RTF2: variants seen among roughly 807,000 people sequenced by gnomAD.
RTF2 encodes UPF0549 protein C20orf43.
In RTF2, 18 loss-of-function variants were observed where a neutral mutation model predicts 38.0. That is an observed-to-expected ratio of 0.47 (90% CI 0.33 to 0.70). The LOEUF (loss-of-function observed/expected upper bound fraction) is 0.70, where lower values mean the gene tolerates loss of function less well. Among genes scored for constraint, RTF2 ranks in the 30% least tolerant of loss-of-function variants. The pLI is 0.02. For synonymous variants in RTF2, 126 were observed against 137.1 expected (o/e 0.92, Z 0.57); for missense variants, 311 against 379.6 (o/e 0.82, Z 1.50).
At chr20:56,489,761 G>A (rs1358328692) in intron 5 of RTF2, among the ~76,000 whole-genome samples, 1 of 152,234 alleles carries the variant, frequency 6.6e-6, no homozygotes, top group Non-Finnish European at 1.5e-5. Flanking sequence ...TATGTTTTAA[G>A]TAACTTGAAA....
chr20:56,490,258 C>G (rs1208355083), intron 5 of RTF2, among the ~76,000 whole-genome samples: 1 of 152,218 alleles, frequency 6.6e-6, no homozygotes, highest in Non-Finnish European at 1.5e-5. Flanking sequence ...ATTTCCTCTC[C>G]TCTGGTTCCT....
chr20:56,491,627 G>T, intron 5 of RTF2: 1 of 1,551,832 alleles, frequency 6.4e-7, no homozygotes, highest in Non-Finnish European at 8.7e-7. Context: ...AGGAACTTCT[G>T]CCTGCCTCAG....
chr20:56,515,084 GA>G (rs1354203352), intron 6 of RTF2, among the ~76,000 whole-genome samples: 1 of 151,022 alleles, frequency 6.6e-6, no homozygotes, highest in East Asian at 1.9e-4. Context: ...TGTTCAGGTT[GA>G]AAAGTAAATA....
intron 1 of RTF2, among the ~76,000 whole-genome samples, chr20:56,471,874 C>A (rs1308350203): frequency 1.3e-5 from 2 of 152,170 alleles, no homozygotes; most frequent in African/African-American, 4.8e-5. Flanking sequence ...GTTATGGAAA[C>A]TGCTTAGCAC....
chr20:56,516,291 A>G (rs909236973), intron 6 of RTF2: 1 of 152,182 alleles, frequency 6.6e-6, no homozygotes, highest in Non-Finnish European at 1.5e-5. Flanking sequence ...TCTGCGATTA[A>G]ATCAATTCCA....
chr20:56,497,268 A>AT, intron 5 of RTF2: 1 of 1,551,690 alleles, frequency 6.4e-7, no homozygotes, highest in Non-Finnish European at 8.7e-7. Context: ...AATAGTTATA[A>AT]TATATGCCAA....
At chr20:56,497,484 A>T (rs1371476569) in intron 5 of RTF2, 1 of 1,499,852 alleles carries the variant, frequency 6.7e-7, no homozygotes, top group Non-Finnish European at 9.0e-7. Flanking sequence ...ACATTCTACT[A>T]CTTCTGGTTG....
chr20:56,472,233 A>T, intron 1 of RTF2: 1 of 786,216 alleles, frequency 1.3e-6, no homozygotes, highest in East Asian at 2.7e-5. Flanking sequence ...AAAATAAATT[A>T]ATAAAATAAA....
At chr20:56,476,201 G>A (rs767193366) in intron 3 of RTF2, among the ~76,000 whole-genome samples, 1 of 152,172 alleles carries the variant, frequency 6.6e-6, no homozygotes, top group South Asian at 2.1e-4. Flanking sequence ...GCCTTAGCTC[G>A]TTAGACCGTG....
chr20:56,495,153 T>A, intron 5 of RTF2: 1 of 1,299,320 alleles, frequency 7.7e-7, no homozygotes, highest in Non-Finnish European at 1.1e-6. Context: ...GTTTTATAGT[T>A]GTTGTAAAAT....
chr20:56,499,844 C>G (rs1462275146), intron 5 of RTF2, among the ~76,000 whole-genome samples: 1 of 152,016 alleles, frequency 6.6e-6, no homozygotes, highest in Non-Finnish European at 1.5e-5. Context: ...TGAAGCGATT[C>G]TCCTGCCTCA....
intron 5 of RTF2, chr20:56,495,192 T>C: frequency 5.8e-6 from 9 of 1,542,418 alleles, no homozygotes; most frequent in Non-Finnish European, 7.9e-6. Context: ...TGTTTTGTTT[T>C]TCTTTTTACC....
intron 5 of RTF2, among the ~76,000 whole-genome samples, chr20:56,495,729 A>G (rs1983486632): frequency 6.6e-6 from 1 of 152,182 alleles, no homozygotes; most frequent in African/African-American, 2.4e-5. Flanking sequence ...AACCCCAACC[A>G]ATGTCTACTG....
chr20:56,509,071 A>G (rs569065226), intron 5 of RTF2, among the ~76,000 whole-genome samples: 2 of 152,380 alleles, frequency 1.3e-5, no homozygotes, highest in Non-Finnish European at 2.9e-5. Context: ...ATATTTTGTC[A>G]TAACAGTCTT....
At position 56,472,959 on chromosome 20, in the gene RTF2, C is replaced by T. The variant is rs558911782; in HGVS notation, c.70-342C>T. ...GTTTGGGGGCAGCATGGCAAAACCA[C>T]GTCTCTACAAAAAATACAAAAATTA... On this transcript the variant is annotated intron_variant, in intron 1 of 8. Coordinates refer to ENST00000357348, the MANE Select transcript of RTF2 (RefSeq NM_016407.5). Among the ~76,000 whole-genome samples, 89 of 152,138 alleles carry T rather than the reference C, an allele frequency of 5.8e-4. 1 individual carries two copies. The South Asian group carries it at 0.016, about 28-fold the overall frequency.
chr20:56,470,738 A>G (rs1981915416), intron 1 of RTF2: 1 of 451,838 alleles, frequency 2.2e-6, no homozygotes, highest in South Asian at 1.6e-5. Context: ...TTAATAATCC[A>G]TCATGCCTAC....
intron 1 of RTF2, chr20:56,472,497 T>C (rs1982025076): frequency 1.3e-6 from 1 of 757,210 alleles, no homozygotes; most frequent in African/African-American, 1.7e-5. Context: ...ATGTATCCCT[T>C]AGTGAATAAG....
chr20:56,484,476 C>T (rs573838400), intron 5 of RTF2, among the ~76,000 whole-genome samples: 1 of 152,294 alleles, frequency 6.6e-6, no homozygotes, highest in Admixed American at 6.5e-5. Context: ...CCCATGAGCC[C>T]CCATTCCATA....
rs368948466 is a variant in RTF2, at chr20:56,468,687, C to G, written c.-11C>G. 7.8e-5 allele frequency: 123 copies of G among 1,571,220 alleles called. No homozygotes were observed. The African/African-American group carries it at 1.4e-3, about 18-fold the overall frequency. On this transcript the variant is annotated 5_prime_UTR_variant, in exon 1 of 9. Coordinates refer to ENST00000357348, the MANE Select transcript of RTF2 (RefSeq NM_016407.5). ...TGGGGGTTTGCTGCTGGCTCTGACT[C>G]CCGTCCTGCGATGGGTTGCGACGGG...
Sources: allele counts gnomAD v4.1 joint callset (sites outside exome capture counted in the v4.1 genomes callset), GRCh38; gene constraint gnomAD v4.1.1; transcripts MANE v1.5; gene names NCBI Gene and HGNC (gene_info 2026-07-23, HGNC 2026-07-21).